PDZRN3: variants seen among roughly 807,000 people sequenced by gnomAD.
PDZRN3 encodes the protein E3 ubiquitin-protein ligase PDZRN3.
Under a neutral mutation model 85.7 loss-of-function variants are expected in PDZRN3, and 38 were observed. The ratio of observed to expected loss-of-function variants is 0.44; its 90% CI spans 0.34 to 0.58. PDZRN3 has a LOEUF of 0.58. Ranked by LOEUF, PDZRN3 falls within the 20% of genes least tolerant of loss-of-function variation. The probability of loss-of-function intolerance (pLI) is 0.01; values close to 1 mark genes in which losing one functional copy is unlikely to be tolerated. For missense variants in PDZRN3, 1,629 were observed against 1,506.4 expected (o/e 1.08, Z -1.35); for synonymous variants, 759 against 638.0 (o/e 1.19, Z -2.86).
Position 73,561,913 on chromosome 3 carries a change from A to ATT in PDZRN3, c.918+40439_918+40440dup, listed in dbSNP as rs769545083. On this transcript the variant is annotated intron_variant, in intron 3 of 9. Transcript: ENST00000263666. ...TTAACATCACAGAGAAACCCAAGTC[A>ATT]TTTTTTTTTTTTTTTTGCTGGAAAA... Among the ~76,000 whole-genome samples the ATT allele has an allele frequency of 3.7e-4, 50 of 136,670 alleles. 1 individual carries two copies. The highest frequency in any genetic ancestry group is 8.6e-4 in the African/African-American group (32 of 37,388). 89.7% of individuals were successfully genotyped at this position (136,670 alleles called of 152,430 possible).
chr3:73,540,689 G>GT (rs1230327250), intron 3 of PDZRN3, among the ~76,000 whole-genome samples: 1 of 152,132 alleles, frequency 6.6e-6, no homozygotes, highest in African/African-American at 2.4e-5. Context: ...CACCATGATT[G>GT]TAAGTTTCCT....
At chr3:73,525,816 C>A (rs552046740) in intron 3 of PDZRN3, among the ~76,000 whole-genome samples, 1 of 152,190 alleles carries the variant, frequency 6.6e-6, no homozygotes, top group African/African-American at 2.4e-5. Flanking sequence ...GCCAGTCTCA[C>A]GTGGTTTTCC....
intron 3 of PDZRN3, among the ~76,000 whole-genome samples, chr3:73,539,332 T>C (rs556713677): frequency 5.9e-5 from 9 of 152,280 alleles, no homozygotes; most frequent in African/African-American, 2.2e-4. Flanking sequence ...AAGAAGTCAT[T>C]AGAGACAATC....
chr3:73,565,515 C>T (rs1701927384), intron 3 of PDZRN3, among the ~76,000 whole-genome samples: 1 of 152,124 alleles, frequency 6.6e-6, no homozygotes. Context: ...GATGAACTGA[C>T]AGTTCATGTT....
chr3:73,420,499 A>T (rs1193264539), intron 3 of PDZRN3, among the ~76,000 whole-genome samples: 2 of 152,166 alleles, frequency 1.3e-5, no homozygotes, highest in Non-Finnish European at 2.9e-5. Flanking sequence ...TATTTCCACC[A>T]CCATATATTG....
chr3:73,569,545 G>A, intron 3 of PDZRN3: 1 of 1,055,448 alleles, frequency 9.5e-7, no homozygotes, highest in Non-Finnish European at 1.1e-6. Context: ...TTTCTCAGAA[G>A]CCTCCCACCC....
intron 3 of PDZRN3, among the ~76,000 whole-genome samples, chr3:73,489,898 C>T (rs1451786586): frequency 6.6e-6 from 1 of 152,042 alleles, no homozygotes; most frequent in Non-Finnish European, 1.5e-5. Context: ...CTCACAGGCA[C>T]CCAAAACGGT....
chr3:73,461,795 G>T (rs1008216228), intron 3 of PDZRN3, among the ~76,000 whole-genome samples: 1 of 152,188 alleles, frequency 6.6e-6, no homozygotes, highest in African/African-American at 2.4e-5. Flanking sequence ...GGTTCCCCAA[G>T]GACAGGGGTT....
chr3:73,389,583 G>A (rs1264100755), intron 7 of PDZRN3, among the ~76,000 whole-genome samples: 1 of 152,090 alleles, frequency 6.6e-6, no homozygotes, highest in Admixed American at 6.6e-5. Flanking sequence ...GGCCCTCTTT[G>A]GAGAGAACAT....
chr3:73,576,357 G>A (rs569637725), intron 3 of PDZRN3, among the ~76,000 whole-genome samples: 29 of 152,270 alleles, frequency 1.9e-4, no homozygotes, highest in African/African-American at 6.3e-4. Flanking sequence ...GATATAGGCC[G>A]AGTGAAACTG....
At chr3:73,397,286 C>G (rs540214496) in intron 5 of PDZRN3, among the ~76,000 whole-genome samples, 4 of 152,200 alleles carry the variant, frequency 2.6e-5, no homozygotes, top group Non-Finnish European at 5.9e-5. Context: ...ATCCATGGAA[C>G]TAGCTGTTCT....
rs940504199 is a variant in PDZRN3, at chr3:73,383,146, CTGTT to C, written c.*215_*218del. On this transcript the variant is annotated 3_prime_UTR_variant, in exon 10 of 10. Transcript: ENST00000263666. Reference sequence around the variant, plus strand: ...GTACAATTGCTATTTGAAAAAAGCTCTGTTTGTTAATATTGCCTTCCAAGATAGT... The same window carrying C: ...GTACAATTGCTATTTGAAAAAAGCTCTGTTAATATTGCCTTCCAAGATAGT... 2.1e-6 allele frequency: 1 copy of C among 473,662 alleles called. No individual in the cohort carries two copies. The highest frequency in any genetic ancestry group is 2.0e-5 in the African/African-American group (1 of 51,078). The allele number at this position is 473,662 out of a possible 1,614,324, so 29.3% of individuals were successfully genotyped here. A position where few individuals can be genotyped will look rare whatever the true frequency, so the allele number is the denominator to read the frequency against.
intron 3 of PDZRN3, among the ~76,000 whole-genome samples, chr3:73,557,667 TTCAC>T: frequency 6.6e-6 from 1 of 152,044 alleles, no homozygotes. Context: ...CATTCTGCCA[TTCAC>T]TATTTAAAGG....
rs543756753 is a variant in PDZRN3, at chr3:73,538,447, TGCCAGAGCAC to T, written c.918+63897_918+63906del. ...TTCTGAAGGTCAGCAAAATGAGCTTTGCCAGAGCACCAGGGACTCCAATTACACATATTTA... is the reference window on the plus strand; with the variant it reads ...TTCTGAAGGTCAGCAAAATGAGCTTTCAGGGACTCCAATTACACATATTTA... On this transcript the variant is annotated intron_variant, in intron 3 of 9. Coordinates refer to ENST00000263666, the MANE Select transcript of PDZRN3 (RefSeq NM_015009.3). Among the ~76,000 whole-genome samples the T allele has an allele frequency of 1.4e-3, 211 of 152,338 alleles. 2 individuals are homozygous for T. The highest frequency in any genetic ancestry group is 8.7e-3 in the Admixed American group (133 of 15,298).
intron 3 of PDZRN3, among the ~76,000 whole-genome samples, chr3:73,436,147 G>C (rs1205108681): frequency 6.6e-6 from 1 of 152,168 alleles, no homozygotes; most frequent in Admixed American, 6.5e-5. Flanking sequence ...ATCTTCCAAA[G>C]TACTGTGTCG....
At chr3:73,534,015 A>G (rs1010498014) in intron 3 of PDZRN3, among the ~76,000 whole-genome samples, 2 of 151,898 alleles carry the variant, frequency 1.3e-5, no homozygotes, top group African/African-American at 2.4e-5. Context: ...TTTTCTATTT[A>G]TAACTTATTT....
At chr3:73,530,453 T>A (rs963202922) in intron 3 of PDZRN3, among the ~76,000 whole-genome samples, 6 of 152,222 alleles carry the variant, frequency 3.9e-5, no homozygotes, top group African/African-American at 1.2e-4. Context: ...CAAGTTTTTA[T>A]GAAAACCAAG....
chr3:73,496,801 A>G (rs977172755), intron 3 of PDZRN3, among the ~76,000 whole-genome samples: 1 of 152,182 alleles, frequency 6.6e-6, no homozygotes, highest in Non-Finnish European at 1.5e-5. Context: ...CATCCCTCAA[A>G]TTAGCAAACA....
intron 4 of PDZRN3, among the ~76,000 whole-genome samples, chr3:73,402,269 TAA>T (rs1183115742): frequency 6.6e-6 from 1 of 152,206 alleles, no homozygotes. Context: ...GGTCAACATT[TAA>T]GAGTCAGAAG....
Sources: allele counts gnomAD v4.1 joint callset (sites outside exome capture counted in the v4.1 genomes callset), GRCh38; gene constraint gnomAD v4.1.1; transcripts MANE v1.5; gene names NCBI Gene and HGNC (gene_info 2026-07-23, HGNC 2026-07-21).